ZNF330: variants seen among roughly 807,000 people sequenced by gnomAD.
The protein encoded by ZNF330 is nucleolar atypical zinc finger, also known as zinc finger protein 330.
Under a neutral mutation model 45.5 loss-of-function variants are expected in ZNF330, and 31 were observed. That is an observed-to-expected ratio of 0.68 (90% CI 0.51 to 0.92). The LOEUF (loss-of-function observed/expected upper bound fraction) is 0.92, where lower values mean the gene tolerates loss of function less well. Ranked by LOEUF, ZNF330 falls within the 40% of genes least tolerant of loss-of-function variation. The probability of loss-of-function intolerance (pLI) is 0.00; values close to 1 mark genes in which losing one functional copy is unlikely to be tolerated. For synonymous variants in ZNF330, 138 were observed against 123.2 expected (o/e 1.12, Z -0.79); for missense variants, 356 against 387.4 (o/e 0.92, Z 0.68).
Position 141,231,505 on chromosome 4 carries a change from T to C in ZNF330, c.570+20T>C. 6.3e-7 allele frequency: 1 copy of C among 1,574,850 alleles called. No homozygotes were observed. Among genetic ancestry groups the C allele is most frequent in the African/African-American group, 1.4e-5 (1 of 72,126 alleles). On this transcript the variant is annotated intron_variant, in intron 8 of 9. Coordinates refer to ENST00000262990, the MANE Select transcript of ZNF330 (RefSeq NM_014487.6). Reference sequence around the variant, plus strand: ...TGTAAGGTATACCAATGCGTTTTTTTCTTTTTAGATTTTGTTTTTAATCTC... The same window carrying C: ...TGTAAGGTATACCAATGCGTTTTTTCCTTTTTAGATTTTGTTTTTAATCTC...
chr4:141,224,901 T>G (rs993597431), intron 4 of ZNF330, among the ~76,000 whole-genome samples: 2 of 152,146 alleles, frequency 1.3e-5, no homozygotes, highest in African/African-American at 2.4e-5. Flanking sequence ...AAGGTACAAT[T>G]TAGATACAGG....
chr4:141,227,022 G>A (rs1297860262), intron 5 of ZNF330, among the ~76,000 whole-genome samples, 176 bp downstream of exon 5: 1 of 151,530 alleles, frequency 6.6e-6, no homozygotes, highest in African/African-American at 2.4e-5. Flanking sequence ...GTACCCACTT[G>A]TTTCTAGCTG....
intron 9 of ZNF330, 36 bp downstream of exon 9, chr4:141,232,678 C>A: frequency 1.7e-6 from 2 of 1,175,340 alleles, no homozygotes; most frequent in South Asian, 2.1e-5. Context: ...GTGATTTTTG[C>A]TTTCATACTT....
intron 6 of ZNF330, 116 bp from the exon 7 acceptor site, chr4:141,230,045 GCTGAA>G: frequency 1.4e-6 from 1 of 723,436 alleles, no homozygotes; most frequent in Non-Finnish European, 2.2e-6. Flanking sequence ...AATAAAAATG[GCTGAA>G]CAATTTTGGT....
intron 9 of ZNF330, 58 bp downstream of exon 9, chr4:141,232,700 A>AT: frequency 1.0e-6 from 1 of 953,576 alleles, no homozygotes; most frequent in South Asian, 2.8e-5. Flanking sequence ...GACAAAGTTT[A>AT]TCTTTTTTTT....
chr4:141,224,563 A>G (rs760060713), intron 3 of ZNF330, 44 bp from the exon 4 acceptor site: 2 of 1,609,398 alleles, frequency 1.2e-6, no homozygotes, highest in Non-Finnish European at 1.7e-6. Flanking sequence ...CTGACTTTTT[A>G]TCTGACATTG....
At position 141,233,860 on chromosome 4, in the gene ZNF330, GGAT is replaced by G. The variant is rs757942049; in HGVS notation, c.840_842del (p.Asp280del). The stretch of plus-strand genomic sequence containing the variant: ...AGGAGGAGGATGAGTATGAAGCAGA[GGAT>G]GATGAAGAGGAAGAAGATGAAGGCA... On this transcript the variant is annotated inframe_deletion, in exon 10 of 10. Coordinates refer to ENST00000262990, the MANE Select transcript of ZNF330 (RefSeq NM_014487.6). The G allele has an allele frequency of 8.1e-6, 13 of 1,613,542 alleles. No individual in the cohort carries two copies. Among genetic ancestry groups the G allele is most frequent in the Admixed American group, 5.0e-5 (3 of 59,918 alleles).
At chr4:141,231,528 C>T (rs758533911) in intron 8 of ZNF330, 43 bp downstream of exon 8, 7 of 1,447,206 alleles carry the variant, frequency 4.8e-6, no homozygotes, top group Non-Finnish European at 6.6e-6. Context: ...TGTTTTTAAT[C>T]TCTATACCCC....
chr4:141,226,058 T>G (rs1039166819), intron 4 of ZNF330, among the ~76,000 whole-genome samples: 2 of 152,158 alleles, frequency 1.3e-5, no homozygotes, highest in Non-Finnish European at 2.9e-5. Context: ...ATGATTAATG[T>G]CATCATTAAC....
chr4:141,221,181 C>T (rs564906434), intron 1 of ZNF330, 73 bp downstream of exon 1: 1 of 152,598 alleles, frequency 6.6e-6, no homozygotes, highest in Non-Finnish European at 1.5e-5. Context: ...GCACCTCCGC[C>T]GCTTCTCCCC....
intron 5 of ZNF330, 41 bp from the exon 6 acceptor site, chr4:141,229,530 T>C (rs1441376619): frequency 6.2e-7 from 1 of 1,609,590 alleles, no homozygotes; most frequent in Non-Finnish European, 8.5e-7. Context: ...TTGCAGGTGG[T>C]CAGGTGATAA....
chr4:141,222,823 T>C (rs1728715956), intron 2 of ZNF330: 1 of 167,812 alleles, frequency 6.0e-6, no homozygotes, highest in Non-Finnish European at 1.3e-5. Context: ...AATTCTTTCA[T>C]TTCTCTTTTC....
intron 8 of ZNF330, 43 bp downstream of exon 8, chr4:141,231,528 C>G (rs758533911): frequency 6.9e-7 from 1 of 1,447,206 alleles, no homozygotes. Context: ...TGTTTTTAAT[C>G]TCTATACCCC....
Position 141,231,449 on chromosome 4 carries a change from C to T in ZNF330, c.534C>T (p.Cys178=). 2 of 1,597,382 alleles carry T rather than the reference C, an allele frequency of 1.3e-6. No individual in the cohort carries two copies. The highest frequency in any genetic ancestry group is 1.7e-6 in the Non-Finnish European group (2 of 1,174,000). ...ATCTATTTCCCACAGGTGTTTCATG[C>T]AATCGGCTTGGTCAGCACTCATGTC... The part of the protein sequence containing the change: ...LEAETFKCVS[C]NRLGQHSCLR... Residue 178 remains cysteine (C), a synonymous_variant, in exon 8 of 10, where the codon TGC becomes TGT. Transcript: ENST00000262990.
In ZNF330 at chr4:141,229,459, T is replaced by C. The variant is rs143736042; in HGVS notation, c.292-112T>C. The C allele has an allele frequency of 4.5e-4, 617 of 1,374,030 alleles. 4 individuals carry two copies. In the African/African-American group the frequency reaches 6.9e-3, roughly 15 times the overall value. 85.1% of individuals were successfully genotyped at this position (1,374,030 alleles called of 1,614,324 possible). A position where few individuals can be genotyped will look rare whatever the true frequency, so the allele number is the denominator to read the frequency against. ...GTTTAAATGAAGCGGCCTACTATCA[T>C]TGAGGGTTGATAAATTGCTAAATGT... is the stretch of plus-strand genomic sequence containing the variant. On this transcript the variant is annotated intron_variant, in intron 5 of 9. Transcript: ENST00000262990.
chr4:141,230,316 T>C (rs1267282138), intron 7 of ZNF330, 46 bp downstream of exon 7: 12 of 1,132,646 alleles, frequency 1.1e-5, no homozygotes, highest in Non-Finnish European at 1.5e-5. Context: ...AGATTCTGAA[T>C]AGTATAATTA....
At chr4:141,224,235 G>A (rs1728747778) in intron 2 of ZNF330, among the ~76,000 whole-genome samples, 1 of 152,100 alleles carries the variant, frequency 6.6e-6, no homozygotes, top group Non-Finnish European at 1.5e-5. Flanking sequence ...AATTGAAAAA[G>A]AAACTACCAA....
At chr4:141,224,462 A>G in intron 2 of ZNF330, 25 bp from the exon 3 acceptor site, 5 of 1,596,816 alleles carry the variant, frequency 3.1e-6, no homozygotes, top group Non-Finnish European at 3.4e-6. Flanking sequence ...CAGAAAAATT[A>G]ATGTGATATT....
intron 2 of ZNF330, chr4:141,223,690 A>G (rs1020528280): frequency 6.6e-6 from 3 of 454,392 alleles, no homozygotes; most frequent in African/African-American, 6.1e-5. Context: ...AGAGGTTCTG[A>G]ATGACTGGCA....
Sources: gnomAD v4.1 joint callset for allele counts (sites outside exome capture counted in the v4.1 genomes callset) on GRCh38, gnomAD v4.1.1 for gene constraint, MANE v1.5 for transcripts, NCBI Gene and HGNC (gene_info 2026-07-23, HGNC 2026-07-21) for gene names.